The following C12orf56 variants were observed in gnomAD, a reference collection of about 807,000 sequenced individuals.
C12orf56 encodes chromosome 12 open reading frame 56.
Under a neutral mutation model 69.9 loss-of-function variants are expected in C12orf56, and 71 were observed. The observed-to-expected ratio is 1.02, with a 90% confidence interval of 0.84 to 1.24. The LOEUF (loss-of-function observed/expected upper bound fraction) is 1.24. Among genes scored for constraint, C12orf56 ranks in the 50% most tolerant of loss-of-function variants. C12orf56 has a pLI of 0.00. For missense variants in C12orf56, 732 were observed against 738.5 expected, an observed-to-expected ratio of 0.99 and a Z score of 0.10; for synonymous variants, 276 against 274.1, an observed-to-expected ratio of 1.01 and a Z score of -0.07.
At chr12:64,331,456 A>G (rs2038929594) in intron 2 of C12orf56, among the ~76,000 whole-genome samples, 1 of 152,156 alleles carries the variant, frequency 6.6e-6, no homozygotes, top group African/African-American at 2.4e-5. Flanking sequence ...AGCTATGATC[A>G]CACCACTGCA....
chr12:64,286,181 A>C (rs1316083818), intron 6 of C12orf56, 121 bp from the exon 7 acceptor site: 2 of 660,512 alleles, frequency 3.0e-6, no homozygotes, highest in Non-Finnish European at 5.0e-6. Context: ...GTGAATTACA[A>C]TATCTCCCAC....
intron 2 of C12orf56, among the ~76,000 whole-genome samples, chr12:64,351,237 A>C (rs552116338): frequency 6.9e-4 from 105 of 152,212 alleles, no homozygotes; most frequent in Admixed American, 1.6e-3. Flanking sequence ...GCATGTCACA[A>C]GACATCCTTT....
At chr12:64,329,064 CAAAAAAA>C (rs1213790208) in intron 3 of C12orf56, among the ~76,000 whole-genome samples, 2 of 137,796 alleles carry the variant, frequency 1.5e-5, no homozygotes, top group African/African-American at 5.3e-5. Context: ...GACTCAGTCT[CAAAAAAA>C]AAAAAGAAAC....
intron 1 of C12orf56, among the ~76,000 whole-genome samples, chr12:64,373,219 T>G (rs528066036): frequency 6.6e-6 from 1 of 152,124 alleles, no homozygotes; most frequent in Non-Finnish European, 1.5e-5. Flanking sequence ...AAATCTAATA[T>G]GGAGGCAAGC....
At chr12:64,343,939 G>A (rs1411955992) in intron 2 of C12orf56, among the ~76,000 whole-genome samples, 2 of 152,116 alleles carry the variant, frequency 1.3e-5, no homozygotes, top group Non-Finnish European at 2.9e-5. Flanking sequence ...ATGCTGTCTG[G>A]CACTGGGGAA....
At position 64,274,952 on chromosome 12, in the gene C12orf56, T is replaced by C. The variant is rs761841637; in HGVS notation, c.1533A>G (p.Thr511=). The C allele has an allele frequency of 5.6e-6, 9 of 1,612,296 alleles. No homozygotes were observed. Among genetic ancestry groups the C allele is most frequent in the Non-Finnish European group, 6.8e-6 (8 of 1,178,588 alleles). The change falls in exon 11 of 13, where the codon ACA becomes ACG. Residue 511 remains threonine (T), a synonymous_variant. Transcript: ENST00000543942. ...ACATTATCCAGCTAATAGCAAACTT[T>C]GTGGATCCCAATCCGAGATTTCCCT... The part of the protein sequence containing the change: ...FQQGNLGLGS[T]KFAISWIMSF...
At chr12:64,331,180 G>A (rs978482632) in intron 2 of C12orf56, 148 bp from the exon 3 acceptor site, 1 of 663,840 alleles carries the variant, frequency 1.5e-6, no homozygotes, top group Admixed American at 3.3e-5. Context: ...TAGCACGATG[G>A]AGCAAAAAGA....
chr12:64,269,330 G>A (rs2037952877), intron 12 of C12orf56, among the ~76,000 whole-genome samples: 1 of 152,246 alleles, frequency 6.6e-6, no homozygotes, highest in South Asian at 2.1e-4. Context: ...ATGCAGGGCT[G>A]CACTGCTAAG....
chr12:64,341,458 G>A (rs1180807132), intron 2 of C12orf56, among the ~76,000 whole-genome samples: 2 of 152,136 alleles, frequency 1.3e-5, no homozygotes, highest in African/African-American at 4.8e-5. Context: ...AACTTCAAAA[G>A]GCCATCCCAC....
chr12:64,388,498 C>T (rs1457786644), intron 1 of C12orf56, among the ~76,000 whole-genome samples: 1 of 152,136 alleles, frequency 6.6e-6, no homozygotes, highest in East Asian at 1.9e-4. Flanking sequence ...CTGCGTTGGC[C>T]TCCCAAAATG....
rs2038724840 is a variant in C12orf56 at position 64,318,749 on chromosome 12, A to G, written c.720T>C (p.Pro240=). 6.6e-7 allele frequency: 1 copy of G among 1,520,982 alleles called. No individual in the cohort carries two copies. The highest frequency in any genetic ancestry group is 8.8e-7 in the Non-Finnish European group (1 of 1,142,306). 94.2% of individuals were successfully genotyped at this position (1,520,982 alleles called of 1,614,324 possible). A position where few individuals can be genotyped will look rare whatever the true frequency, so the allele number is the denominator to read the frequency against. ...CATTTCCATTCCCATTGCACTTGAA[A>G]GGAATTTCACTTATGGAGTTGTGAT... ...LPDHNSISEI[P]FKCNGNGNEF... is the part of the protein sequence containing the mutation. The change falls in exon 4 of 13, where the codon CCT becomes CCC. Residue 240 remains proline, a synonymous_variant. Transcript: ENST00000543942.
At chr12:64,301,226 C>A (rs922149015) in intron 6 of C12orf56, among the ~76,000 whole-genome samples, 1 of 152,160 alleles carries the variant, frequency 6.6e-6, no homozygotes. Flanking sequence ...ATATTAAAAG[C>A]TGATAGAGCC....
At chr12:64,328,693 AAAAAAAAAAAAAAATAT>A (rs1302982442) in intron 3 of C12orf56, among the ~76,000 whole-genome samples, 3 of 21,062 alleles carry the variant, frequency 1.4e-4, no homozygotes, top group African/African-American at 3.5e-4. Flanking sequence ...AAAAAAAAAA[AAAAAAAAAAAAAAATAT>A]ATATATATAT....
chr12:64,309,959 G>T (rs184423783), intron 5 of C12orf56, among the ~76,000 whole-genome samples: 19 of 151,928 alleles, frequency 1.3e-4, no homozygotes, highest in Non-Finnish European at 2.4e-4. Context: ...ACAAATCAAT[G>T]GATTTAGTTA....
chr12:64,381,458 T>C (rs2039718725), intron 1 of C12orf56, among the ~76,000 whole-genome samples: 1 of 152,238 alleles, frequency 6.6e-6, no homozygotes, highest in Non-Finnish European at 1.5e-5. Flanking sequence ...AATGGCAGTC[T>C]AGTTCTTAGG....
At position 64,265,520 on chromosome 12, in the gene C12orf56, T is replaced by G. The variant is rs886068410; in HGVS notation, c.*1663A>C. The G allele has an allele frequency of 2.6e-5, 4 of 152,338 alleles. No homozygotes were observed. In the East Asian group the frequency reaches 5.8e-4, roughly 22 times the overall value. 9.4% of individuals were successfully genotyped at this position (152,338 alleles called of 1,614,324 possible). On this transcript the variant is annotated 3_prime_UTR_variant, in exon 13 of 13. Coordinates refer to ENST00000543942, the MANE Select transcript of C12orf56 (RefSeq NM_001170633.2). ...GAGAATGTAAGAGCTGGAAGAGAAC[T>G]TGGAGAACATCTAGTCCCACCCTTC...
intron 6 of C12orf56, among the ~76,000 whole-genome samples, chr12:64,299,805 ACTGT>A: frequency 6.6e-6 from 1 of 152,170 alleles, no homozygotes; most frequent in Non-Finnish European, 1.5e-5. Context: ...AGGCATGAAA[ACTGT>A]CTGTTAATTG....
At chr12:64,268,728 T>TA (rs937728870) in intron 12 of C12orf56, among the ~76,000 whole-genome samples, 18 of 152,098 alleles carry the variant, frequency 1.2e-4, no homozygotes, top group Admixed American at 1.3e-4. Flanking sequence ...AATATATATA[T>TA]TTTTTTAAGT....
intron 1 of C12orf56, among the ~76,000 whole-genome samples, chr12:64,387,100 A>AAAAAAAAAAAG (rs761652347): frequency 6.8e-6 from 1 of 146,914 alleles, no homozygotes; most frequent in Non-Finnish European, 1.5e-5. Context: ...AAAAAAAAAA[A>AAAAAAAAAAAG]AAAAAAAAAA....
Sources: gnomAD v4.1 joint callset for allele counts (sites outside exome capture counted in the v4.1 genomes callset) on GRCh38, gnomAD v4.1.1 for gene constraint, MANE v1.5 for transcripts, NCBI Gene and HGNC (gene_info 2026-07-23, HGNC 2026-07-21) for gene names.